HPS3: variants seen among roughly 807,000 people sequenced by gnomAD.
HPS3 encodes the protein BLOC-2 complex member HPS3.
HPS3 carries 79 observed loss-of-function variants against 110.9 expected under a neutral mutation model. The ratio of observed to expected loss-of-function variants is 0.71; its 90% confidence interval spans 0.59 to 0.86. The LOEUF (loss-of-function observed/expected upper bound fraction) is 0.86, where lower values mean the gene tolerates loss of function less well. Among genes scored for constraint, HPS3 ranks in the 40% least tolerant of loss-of-function variants. The probability of loss-of-function intolerance (pLI) is 0.00; values close to 1 mark genes in which losing one functional copy is unlikely to be tolerated. For missense variants in HPS3, 1,197 were observed against 1,206.2 expected (o/e 0.99, Z 0.11); for synonymous variants, 428 against 451.0 (o/e 0.95, Z 0.65).
chr3:149,148,941 A>G (rs1025324342), intron 5 of HPS3, among the ~76,000 whole-genome samples: 1 of 143,542 alleles, frequency 7.0e-6, no homozygotes. Flanking sequence ...TAAGTCAGGG[A>G]ACCCTGCCTT....
chr3:149,158,900 G>T, intron 10 of HPS3, 54 bp downstream of exon 10: 2 of 1,294,312 alleles, frequency 1.5e-6, no homozygotes, highest in South Asian at 2.5e-5. Flanking sequence ...CATTTTAATG[G>T]TTTATTTTAT....
In HPS3 at chr3:149,129,911, G is replaced by C. The variant is rs754357938; in HGVS notation, c.188G>C (p.Arg63Pro). The C allele has an allele frequency of 5.1e-6, 8 of 1,566,536 alleles. No homozygotes were observed. Among genetic ancestry groups the C allele is most frequent in the Non-Finnish European group, 6.9e-6 (8 of 1,162,916 alleles). ...CGGTGCGCCTTCTCCACGCTGGGCC[G>C]GGTGTTGCGCCTGGCCTACAGCGAG... ...QPRCAFSTLGRVLRLAYSEAG... is the reference protein window; with the variant it reads ...QPRCAFSTLGPVLRLAYSEAG... Residue 63 changes from arginine to proline, a missense_variant, in exon 1 of 17, where the codon CGG (arginine) becomes CCG (proline). By Grantham distance (103) the Arg-to-Pro change is moderately radical. Coordinates refer to ENST00000296051, the MANE Select transcript of HPS3 (RefSeq NM_032383.5).
Position 149,172,303 on chromosome 3 carries a change from T to C in HPS3, c.*81T>C. The C allele has an allele frequency of 9.7e-7, 1 of 1,030,024 alleles. No individual in the cohort carries two copies. Among genetic ancestry groups the C allele is most frequent in the South Asian group, 1.3e-5 (1 of 74,318 alleles). 63.8% of individuals were successfully genotyped at this position (1,030,024 alleles called of 1,614,324 possible). A position where few individuals can be genotyped will look rare whatever the true frequency, so the allele number is the denominator to read the frequency against. ...AATGCCAAAGTACAAGTAGAGGAGTTTTTTATTTTATATATCACACACACA... is the reference window on the plus strand; with the variant it reads ...AATGCCAAAGTACAAGTAGAGGAGTCTTTTATTTTATATATCACACACACA... On this transcript the variant is annotated 3_prime_UTR_variant, in exon 17 of 17. Transcript: ENST00000296051.
In HPS3 at chr3:149,158,740, C is replaced by A; in HGVS notation, c.1766C>A (p.Ala589Asp). ...MSGLSMAEVL[A>D]RTDWTVEDGL... Reference sequence around the variant, plus strand: ...GGTTTGTCTATGGCTGAAGTTCTGGCCCGCACGGACTGGACAGTAGAGGAT... The same window carrying A: ...GGTTTGTCTATGGCTGAAGTTCTGGACCGCACGGACTGGACAGTAGAGGAT... Residue 589 changes from alanine to aspartate, a missense_variant, in exon 10 of 17, where the codon GCC (alanine) becomes GAC (aspartate). Physicochemically the swap from Ala to Asp is moderately radical, Grantham distance 126. Coordinates refer to ENST00000296051, the MANE Select transcript of HPS3 (RefSeq NM_032383.5). The A allele has an allele frequency of 6.2e-7, 1 of 1,613,218 alleles. No individual in the cohort carries two copies.
intron 14 of HPS3, among the ~76,000 whole-genome samples, chr3:149,165,077 C>A (rs1184919377): frequency 6.6e-6 from 1 of 152,086 alleles, no homozygotes; most frequent in Non-Finnish European, 1.5e-5. Flanking sequence ...TAAAAAATAA[C>A]CAAAGAAGAT....
At chr3:149,149,893 G>C (rs368488347) in intron 5 of HPS3, among the ~76,000 whole-genome samples, 1 of 152,288 alleles carries the variant, frequency 6.6e-6, no homozygotes, top group African/African-American at 2.4e-5. Context: ...GAGTCCCTAG[G>C]TCCTTTTTGT....
intron 5 of HPS3, among the ~76,000 whole-genome samples, chr3:149,147,449 G>A (rs1722844396): frequency 6.6e-6 from 1 of 152,184 alleles, no homozygotes; most frequent in African/African-American, 2.4e-5. Flanking sequence ...GATTTTTAAG[G>A]ATGCAGAAGA....
At chr3:149,167,749 A>G in intron 15 of HPS3, 144 bp from the exon 16 acceptor site, 1 of 681,220 alleles carries the variant, frequency 1.5e-6, no homozygotes, top group Non-Finnish European at 2.7e-6. Context: ...CTGCTGATAT[A>G]ACTTATGTTA....
At chr3:149,166,484 A>G (rs183552793) in intron 14 of HPS3, among the ~76,000 whole-genome samples, 2 of 152,328 alleles carry the variant, frequency 1.3e-5, no homozygotes, top group Admixed American at 1.3e-4. Context: ...TATAAAACTG[A>G]TCATGTTCAG....
Position 149,158,842 on chromosome 3 carries a change from A to AC in HPS3, c.1868_1869insC (p.Glu624Ter). ...TATGAAAACCTGGATGAAGAATTAA[A>AC]TGAAGTGATTATAGTTTTCTGTTTT... On this transcript the variant is annotated frameshift_variant, in exon 10 of 17. Transcript: ENST00000296051. LOFTEE classifies it high-confidence loss of function. 6.4e-7 allele frequency: 1 copy of AC among 1,566,366 alleles called. No homozygotes were observed. The highest frequency in any genetic ancestry group is 8.8e-7 in the Non-Finnish European group (1 of 1,136,860).
rs201248089 is a variant in HPS3, at chr3:149,167,213, T to C, written c.2769T>C (p.Ala923=). 23 of 1,613,594 alleles carry C rather than the reference T, an allele frequency of 1.4e-5. No homozygotes were observed. The East Asian group carries it at 4.0e-4, about 28-fold the overall frequency. The change falls in exon 15 of 17, where the codon GCT becomes GCC. Residue 923 remains alanine, a synonymous_variant. Transcript: ENST00000296051. ...ERCPEAVIPY[A]NHELKEENRT... The stretch of plus-strand genomic sequence containing the variant: ...GCCCGGAGGCAGTCATTCCATATGC[T>C]AATCATGAACTGAAAGAAGAGAACC...
rs759264215 is a variant in HPS3 at position 149,140,012 on chromosome 3, T to G, written c.226T>G (p.Leu76Val). Residue 76 changes from leucine to valine, a missense_variant, in exon 2 of 17, where the codon TTG becomes GTG. By Grantham distance (32) the Leu-to-Val change is conservative. Transcript: ENST00000296051. Reference sequence around the variant, plus strand: ...TCTTCATTCCTTCTCAGGAGATTATTTGGTAGCAATTGAAGAGAAAAACAA... The same window carrying G: ...TCTTCATTCCTTCTCAGGAGATTATGTGGTAGCAATTGAAGAGAAAAACAA... Reference protein sequence around the residue: ...RLAYSEAGDYLVAIEEKNKAT... With the variant: ...RLAYSEAGDYVVAIEEKNKAT... The G allele has an allele frequency of 6.2e-7, 1 of 1,612,766 alleles. No homozygotes were observed. Among genetic ancestry groups the G allele is most frequent in the African/African-American group, 1.3e-5 (1 of 74,890 alleles).
rs150783734 is a variant in HPS3 at position 149,135,173 on chromosome 3, T to C, written c.218-4831T>C. ...TTTCAGGTTAAAAAAAATCTCAAAT[T>C]AGCTGAAAGTTTTTAAAATAAAATT... On this transcript the variant is annotated intron_variant, in intron 1 of 16. Transcript: ENST00000296051. 4.0e-3 allele frequency among the ~76,000 whole-genome samples: 609 copies of C among 152,250 alleles called. 10 individuals carry two copies. Among genetic ancestry groups the C allele is most frequent in the African/African-American group, 0.014 (583 of 41,544 alleles).
At chr3:149,130,721 C>T (rs1721713073) in intron 1 of HPS3, among the ~76,000 whole-genome samples, 1 of 152,082 alleles carries the variant, frequency 6.6e-6, no homozygotes, top group Non-Finnish European at 1.5e-5. Flanking sequence ...CGGAGATTGC[C>T]CCATTGCACT....
At chr3:149,170,417 G>GT (rs1724859598) in intron 16 of HPS3, 2 of 152,226 alleles carry the variant, frequency 1.3e-5, no homozygotes, top group Non-Finnish European at 2.9e-5. Context: ...CTAGTTAGTA[G>GT]TTGCTGTTTA....
chr3:149,159,716 G>A (rs971814443), intron 10 of HPS3, among the ~76,000 whole-genome samples: 6 of 152,150 alleles, frequency 3.9e-5, no homozygotes, highest in Non-Finnish European at 8.8e-5. Context: ...GAACTAAATA[G>A]TAGTTTTTAT....
intron 10 of HPS3, 74 bp downstream of exon 10, chr3:149,158,920 T>C (rs1284544791): frequency 7.7e-6 from 8 of 1,033,646 alleles, no homozygotes; most frequent in African/African-American, 1.6e-5. Flanking sequence ...TGTAGTACTG[T>C]TTAGAAGTCA....
chr3:149,140,030 A>C lies in HPS3; in HGVS notation c.244A>C (p.Lys82Gln). ...AGATTATTTGGTAGCAATTGAAGAG[A>C]AAAACAAAGCTACATTTCTACGTGC... Reference protein sequence around the residue: ...AGDYLVAIEEKNKATFLRAYV... With the variant: ...AGDYLVAIEEQNKATFLRAYV... Residue 82 changes from lysine to glutamine, a missense_variant, in exon 2 of 17, where the codon AAA becomes CAA. Transcript: ENST00000296051. The C allele has an allele frequency of 6.2e-7, 1 of 1,613,432 alleles. No individual in the cohort carries two copies. The highest frequency in any genetic ancestry group is 1.1e-5 in the South Asian group (1 of 90,888).
At chr3:149,165,380 T>G (rs1422489772) in intron 14 of HPS3, among the ~76,000 whole-genome samples, 1 of 152,220 alleles carries the variant, frequency 6.6e-6, no homozygotes. Flanking sequence ...TTTTAAAATA[T>G]TTTAAAAGGA....
Sources: gnomAD v4.1 joint callset for allele counts (sites outside exome capture counted in the v4.1 genomes callset) on GRCh38, gnomAD v4.1.1 for gene constraint, MANE v1.5 for transcripts, NCBI Gene and HGNC (gene_info 2026-07-23, HGNC 2026-07-21) for gene names.